The following TRIM37 variants were observed in gnomAD, a reference collection of about 807,000 sequenced individuals.
TRIM37 encodes the protein tripartite motif containing 37.
Under a neutral mutation model 129.8 loss-of-function variants are expected in TRIM37, and 80 were observed. That is an observed-to-expected ratio of 0.62 (90% CI 0.51 to 0.74). TRIM37 has a LOEUF of 0.74. Ranked by LOEUF, TRIM37 falls within the 30% of genes least tolerant of loss-of-function variation. The probability of loss-of-function intolerance (pLI) is 0.00; values close to 1 mark genes in which losing one functional copy is unlikely to be tolerated. For missense variants in TRIM37, 1,054 were observed against 1,176.5 expected (o/e 0.90, Z 1.52); for synonymous variants, 389 against 387.1 (o/e 1.00, Z -0.06).
At chr17:59,044,754 A>G (rs1394832176) in intron 16 of TRIM37, among the ~76,000 whole-genome samples, 1 of 152,200 alleles carries the variant, frequency 6.6e-6, no homozygotes, top group Admixed American at 6.5e-5. Context: ...CTACTCTGCC[A>G]TTTTATATAA....
At chr17:58,986,216 T>A (rs998223045) in intron 24 of TRIM37, among the ~76,000 whole-genome samples, 19 of 152,174 alleles carry the variant, frequency 1.2e-4, no homozygotes, top group Non-Finnish European at 2.1e-4. Flanking sequence ...TTCCTTCTTT[T>A]GAGATGGAGT....
intron 16 of TRIM37, among the ~76,000 whole-genome samples, chr17:59,042,450 AT>A (rs1250908318): frequency 0.029 from 1,037 of 35,744 alleles, 6 homozygotes; most frequent in African/African-American, 0.07. Flanking sequence ...AAAAAAAAAA[AT>A]ATATATATAT....
intron 2 of TRIM37, among the ~76,000 whole-genome samples, chr17:59,101,388 C>T (rs896766987): frequency 6.6e-6 from 1 of 151,966 alleles, no homozygotes; most frequent in East Asian, 1.9e-4. Flanking sequence ...CCTGAGAGAT[C>T]AGACAGAAAG....
intron 12 of TRIM37, among the ~76,000 whole-genome samples, chr17:59,057,799 C>T (rs180749695): frequency 1.3e-5 from 2 of 152,262 alleles, no homozygotes; most frequent in East Asian, 1.9e-4. Flanking sequence ...GCTGGGATTA[C>T]GGGTGTGAGC....
At chr17:58,979,584 C>T (rs1415048575), downstream of TRIM37, among the ~76,000 whole-genome samples, 1 of 152,166 alleles carries the variant, frequency 6.6e-6, no homozygotes, top group African/African-American at 2.4e-5. Flanking sequence ...TAAATCAAAA[C>T]CACCTGCAAA....
At chr17:59,051,932 C>T (rs1461963779) in intron 13 of TRIM37, among the ~76,000 whole-genome samples, 2 of 152,100 alleles carry the variant, frequency 1.3e-5, no homozygotes, top group African/African-American at 2.4e-5. Context: ...TTAAGTGCTG[C>T]TCTTTATATT....
chr17:58,995,937 G>A (rs1346398490), downstream of TRIM37, among the ~76,000 whole-genome samples: 1 of 151,960 alleles, frequency 6.6e-6, no homozygotes, highest in South Asian at 2.1e-4. Context: ...AGCCCAGGGG[G>A]TTGAGGCTGT....
chr17:59,046,550 T>C lies in TRIM37; in HGVS notation c.1667+1133A>G, dbSNP rs560454615. Among the ~76,000 whole-genome samples, 311 of 98,724 alleles carry C rather than the reference T, an allele frequency of 3.2e-3. 5 individuals carry two copies. The highest frequency in any genetic ancestry group is 2.6e-3 in the East Asian group (8 of 3,112). 64.8% of individuals were successfully genotyped at this position (98,724 alleles called of 152,430 possible). A position where few individuals can be genotyped will look rare whatever the true frequency, so the allele number is the denominator to read the frequency against. ...TAGTCATGAAAAACAGTTTTTTTTT[T>C]TTTTTGAGACAGAGTCTCAACTGTC... On this transcript the variant is annotated intron_variant, in intron 16 of 23. Transcript: ENST00000262294.
At chr17:58,996,807 TG>T (rs34627044), downstream of TRIM37, among the ~76,000 whole-genome samples, 41,827 of 150,494 alleles carry the variant, frequency 0.28, 6,490 homozygotes, top group Middle Eastern at 0.41. Flanking sequence ...TGTGTGTGTG[TG>T]TGTGTGTGTG....
At chr17:59,086,897 G>T (rs142717726) in intron 4 of TRIM37, among the ~76,000 whole-genome samples, 1 of 152,308 alleles carries the variant, frequency 6.6e-6, no homozygotes, top group African/African-American at 2.4e-5. Context: ...TCTAATAGAA[G>T]AGGCCCAAAA....
intron 13 of TRIM37, among the ~76,000 whole-genome samples, chr17:59,054,129 T>C (rs1436194376): frequency 6.6e-6 from 1 of 152,178 alleles, no homozygotes; most frequent in Non-Finnish European, 1.5e-5. Flanking sequence ...GTACATTAAA[T>C]CACTCTCAAG....
At chr17:59,100,187 A>G (rs1318088446) in intron 2 of TRIM37, among the ~76,000 whole-genome samples, 1 of 152,148 alleles carries the variant, frequency 6.6e-6, no homozygotes, top group African/African-American at 2.4e-5. Flanking sequence ...CAAGTATTTT[A>G]GAAAATAGCT....
chr17:58,978,179 G>T (rs1262264157), downstream of TRIM37, among the ~76,000 whole-genome samples: 1 of 152,216 alleles, frequency 6.6e-6, no homozygotes. Flanking sequence ...AGTAATTGAT[G>T]AGAGTTGTGT....
chr17:59,066,002 T>C (rs1483998916), intron 9 of TRIM37, among the ~76,000 whole-genome samples: 4 of 152,206 alleles, frequency 2.6e-5, no homozygotes, highest in Non-Finnish European at 4.4e-5. Flanking sequence ...TTGTTATCCT[T>C]CTTAGAAGAC....
intron 23 of TRIM37, among the ~76,000 whole-genome samples, chr17:59,001,094 C>A (rs1264949431): frequency 6.6e-6 from 1 of 151,284 alleles, no homozygotes; most frequent in Non-Finnish European, 1.5e-5. Flanking sequence ...ACTCAGGAGG[C>A]TGAGGCAGGA....
the TRIM37 span, among the ~76,000 whole-genome samples, chr17:58,970,932 A>G: frequency 1.3e-5 from 2 of 151,750 alleles, no homozygotes; most frequent in African/African-American, 2.4e-5. Context: ...CCTCTATTCT[A>G]TTCTTTTTTT....
chr17:59,065,105 GA>G (rs2041825216), intron 9 of TRIM37, among the ~76,000 whole-genome samples: 2 of 151,258 alleles, frequency 1.3e-5, no homozygotes, highest in African/African-American at 4.9e-5. Context: ...TTTCCTAAAA[GA>G]AAAAAAGGCA....
chr17:58,997,196 G>A (rs2033095666), downstream of TRIM37, among the ~76,000 whole-genome samples: 1 of 152,158 alleles, frequency 6.6e-6, no homozygotes, highest in South Asian at 2.1e-4. Flanking sequence ...TTTGATCACT[G>A]TTCTGTGATT....
At chr17:59,089,701 G>A (rs1050265095) in intron 3 of TRIM37, among the ~76,000 whole-genome samples, 3 of 152,046 alleles carry the variant, frequency 2.0e-5, no homozygotes, top group African/African-American at 2.4e-5. Flanking sequence ...TCAAGTGATC[G>A]ACAGCCACAC....
Sources: gnomAD v4.1 joint callset for allele counts (sites outside exome capture counted in the v4.1 genomes callset) on GRCh38, gnomAD v4.1.1 for gene constraint, MANE v1.5 for transcripts, NCBI Gene and HGNC (gene_info 2026-07-23, HGNC 2026-07-21) for gene names.